PTPRD: variants seen among roughly 807,000 people sequenced by gnomAD.
PTPRD encodes the protein receptor-type tyrosine-protein phosphatase delta.
In PTPRD, 34 loss-of-function variants were observed where a neutral mutation model predicts 214.5. The observed-to-expected ratio is 0.16, with a 90% CI of 0.12 to 0.21. PTPRD has a LOEUF of 0.21. Among genes scored for constraint, PTPRD ranks in the 10% least tolerant of loss-of-function variants. PTPRD has a pLI of 1.00. For synonymous variants in PTPRD, 1,128 were observed against 845.7 expected, an observed-to-expected ratio of 1.33 and a Z score of -5.79; for missense variants, 2,545 against 2,398.7, an observed-to-expected ratio of 1.06 and a Z score of -1.27.
chr9:8,991,859 C>T (rs527461430), intron 11 of PTPRD, among the ~76,000 whole-genome samples: 1 of 152,052 alleles, frequency 6.6e-6, no homozygotes, highest in African/African-American at 2.4e-5. Context: ...TCCCTCAATG[C>T]CTAATTTGTT....
At chr9:8,426,102 C>G (rs191549304) in intron 35 of PTPRD, among the ~76,000 whole-genome samples, 1 of 152,256 alleles carries the variant, frequency 6.6e-6, no homozygotes, top group East Asian at 1.9e-4. Flanking sequence ...AAGTGACTGA[C>G]AGATAGGTCA....
chr9:10,082,022 G>T (rs2098246500), intron 3 of PTPRD, among the ~76,000 whole-genome samples: 2 of 151,884 alleles, frequency 1.3e-5, no homozygotes, highest in Admixed American at 1.3e-4. Flanking sequence ...TGAATATAAG[G>T]GTTATACCTC....
At chr9:9,420,520 C>G (rs980982365) in intron 8 of PTPRD, among the ~76,000 whole-genome samples, 1 of 151,790 alleles carries the variant, frequency 6.6e-6, no homozygotes, top group Non-Finnish European at 1.5e-5. Context: ...GAATACAAAT[C>G]AAAATTTTAC....
chr9:10,314,962 T>G (rs1046322319), intron 3 of PTPRD, among the ~76,000 whole-genome samples: 2 of 151,944 alleles, frequency 1.3e-5, no homozygotes, highest in African/African-American at 4.8e-5. Context: ...AATATAGATT[T>G]GTACCTCCTA....
chr9:8,543,858 C>G (rs1026078389), intron 14 of PTPRD, among the ~76,000 whole-genome samples: 1 of 151,860 alleles, frequency 6.6e-6, no homozygotes, highest in Non-Finnish European at 1.5e-5. Context: ...ACTACAGCTG[C>G]GTGCCACAAC....
At chr9:10,492,057 G>A (rs2040457221) in intron 2 of PTPRD, among the ~76,000 whole-genome samples, 1 of 152,120 alleles carries the variant, frequency 6.6e-6, no homozygotes, top group African/African-American at 2.4e-5. Context: ...TGTTTTTTAT[G>A]GCTGCATAGT....
chr9:10,054,486 C>T (rs935407260), intron 3 of PTPRD, among the ~76,000 whole-genome samples: 2 of 152,140 alleles, frequency 1.3e-5, no homozygotes, highest in African/African-American at 4.8e-5. Context: ...CCCTGCTGTC[C>T]ATTTTCTTAG....
chr9:9,586,001 G>A (rs2091880674), intron 7 of PTPRD, among the ~76,000 whole-genome samples: 1 of 151,928 alleles, frequency 6.6e-6, no homozygotes, highest in Admixed American at 6.6e-5. Context: ...TGGAAGCAGT[G>A]GATAAAAATT....
intron 11 of PTPRD, among the ~76,000 whole-genome samples, chr9:8,851,201 G>GAAA (rs5896266): frequency 2.1e-4 from 30 of 142,004 alleles, no homozygotes; most frequent in African/African-American, 7.1e-4. Flanking sequence ...TACCATTAAA[G>GAAA]AAAAAAAAAA....
chr9:10,290,018 A>G (rs2154399728), intron 3 of PTPRD, among the ~76,000 whole-genome samples: 1 of 152,246 alleles, frequency 6.6e-6, no homozygotes. Context: ...ATTTTTCCTA[A>G]ATGCTTATCA....
chr9:10,333,453 A>C (rs1404392974), intron 3 of PTPRD, among the ~76,000 whole-genome samples: 1 of 151,764 alleles, frequency 6.6e-6, no homozygotes, highest in Admixed American at 6.6e-5. Flanking sequence ...CAGCGATTTA[A>C]TGATACAATT....
At chr9:9,184,165 T>C (rs1481617132) in intron 9 of PTPRD, among the ~76,000 whole-genome samples, 1 of 152,068 alleles carries the variant, frequency 6.6e-6, no homozygotes, top group African/African-American at 2.4e-5. Flanking sequence ...CTGCTCCCTC[T>C]AAGTTTTAGT....
intron 2 of PTPRD, among the ~76,000 whole-genome samples, chr9:10,386,067 A>G (rs993575394): frequency 6.6e-6 from 1 of 151,960 alleles, no homozygotes; most frequent in African/African-American, 2.4e-5. Context: ...AACTGTTTTT[A>G]AAATTGAAGG....
At chr9:8,632,997 C>T (rs567819917) in intron 14 of PTPRD, among the ~76,000 whole-genome samples, 2 of 151,798 alleles carry the variant, frequency 1.3e-5, no homozygotes, top group East Asian at 1.9e-4. Context: ...AATCCATGCA[C>T]GAGTAATGCC....
At chr9:9,594,427 T>C (rs916512039) in intron 7 of PTPRD, among the ~76,000 whole-genome samples, 1 of 152,202 alleles carries the variant, frequency 6.6e-6, no homozygotes, top group African/African-American at 2.4e-5. Flanking sequence ...AAGTCCTTGA[T>C]GAATCTTGAG....
intron 8 of PTPRD, among the ~76,000 whole-genome samples, chr9:9,429,233 C>T (rs902236650): frequency 2.7e-4 from 41 of 152,074 alleles, no homozygotes; most frequent in African/African-American, 9.2e-4. Flanking sequence ...CCACTGATCC[C>T]GTAGAGATAC....
chr9:9,132,102 G>C (rs754132632), intron 10 of PTPRD, among the ~76,000 whole-genome samples: 1 of 152,114 alleles, frequency 6.6e-6, no homozygotes, highest in Admixed American at 6.5e-5. Context: ...CCGCCTCCCG[G>C]GTTCACGCCG....
intron 10 of PTPRD, among the ~76,000 whole-genome samples, chr9:9,100,815 C>T (rs987966067): frequency 6.6e-6 from 1 of 151,906 alleles, no homozygotes; most frequent in Non-Finnish European, 1.5e-5. Flanking sequence ...ATATATAGTA[C>T]CTAATTTTAA....
At chr9:8,477,328 C>A (rs1176704190) in intron 30 of PTPRD, among the ~76,000 whole-genome samples, 3 of 152,038 alleles carry the variant, frequency 2.0e-5, no homozygotes, top group African/African-American at 7.2e-5. Flanking sequence ...ATAAAGTAAG[C>A]TGTGTTTTCC....
Sources: allele counts gnomAD v4.1 joint callset (sites outside exome capture counted in the v4.1 genomes callset), GRCh38; gene constraint gnomAD v4.1.1; transcripts MANE v1.5; gene names NCBI Gene and HGNC (gene_info 2026-07-23, HGNC 2026-07-21).